Variants in RPTOR observed in about 807,000 individuals in gnomAD.
RPTOR encodes the protein regulatory associated protein of MTOR complex 1.
A neutral mutation model predicts 169.9 loss-of-function variants in RPTOR; 21 were observed. The ratio of observed to expected loss-of-function variants is 0.12; its 90% CI spans 0.09 to 0.18. The LOEUF is 0.18. Among genes scored for constraint, RPTOR ranks in the 10% least tolerant of loss-of-function variants. The pLI is 1.00. For missense variants in RPTOR, 1,133 were observed against 1,855.9 expected (o/e 0.61, Z 7.16); for synonymous variants, 732 against 753.2 (o/e 0.97, Z 0.46).
chr17:80,636,952 G>T (rs997737840), intron 2 of RPTOR, among the ~76,000 whole-genome samples: 6 of 152,232 alleles, frequency 3.9e-5, no homozygotes, highest in Admixed American at 1.3e-4. Context: ...CAGGGTTGAA[G>T]GTCTCCAGCA....
intron 5 of RPTOR, among the ~76,000 whole-genome samples, chr17:80,738,020 T>TG (rs936861594): frequency 1.6e-4 from 21 of 129,668 alleles, no homozygotes; most frequent in Non-Finnish European, 2.9e-4. Context: ...GTTAAGAGGG[T>TG]GGGGGGGCAG....
intron 1 of RPTOR, among the ~76,000 whole-genome samples, chr17:80,583,512 C>G (rs546562809): frequency 3.9e-5 from 6 of 152,172 alleles, no homozygotes; most frequent in Admixed American, 2.6e-4. Flanking sequence ...CTTTCTGAGG[C>G]CTGTCCCACG....
chr17:80,657,064 T>TTCAC (rs2065685406), intron 3 of RPTOR, among the ~76,000 whole-genome samples: 1 of 152,252 alleles, frequency 6.6e-6, no homozygotes, highest in Non-Finnish European at 1.5e-5. Flanking sequence ...TCTCTTTGTT[T>TTCAC]TCACAGCCCT....
chr17:80,744,331 C>CTACTAGCACAGCCCTGGT lies in RPTOR; in HGVS notation c.655-9662_655-9661insTTACTAGCACAGCCCTGG, dbSNP rs2066536193. ...GCCCTGGTTACTAGCACAGCCCTGG[C>CTACTAGCACAGCCCTGGT]TACTAGCACAGCCCTGGCTACTAGC... On this transcript the variant is annotated intron_variant, in intron 5 of 33. Coordinates refer to ENST00000306801, the MANE Select transcript of RPTOR (RefSeq NM_020761.3). Among the ~76,000 whole-genome samples the CTACTAGCACAGCCCTGGT allele has an allele frequency of 2.5e-4, 2 of 8,144 alleles. 1 individual carries two copies. Among genetic ancestry groups the CTACTAGCACAGCCCTGGT allele is most frequent in the African/African-American group, 5.6e-4 (2 of 3,600 alleles). 5.3% of individuals were successfully genotyped at this position (8,144 alleles called of 152,430 possible).
At chr17:80,858,426 C>T (rs574935914) in intron 13 of RPTOR, among the ~76,000 whole-genome samples, 4 of 152,384 alleles carry the variant, frequency 2.6e-5, no homozygotes, top group South Asian at 2.1e-4. Flanking sequence ...TCCTCTCTGA[C>T]GGGCATCAGC....
At chr17:80,698,357 C>T (rs1248937030) in intron 3 of RPTOR, among the ~76,000 whole-genome samples, 1 of 151,568 alleles carries the variant, frequency 6.6e-6, no homozygotes, top group Non-Finnish European at 1.5e-5. Context: ...ACAGCAACCA[C>T]GTGGAGGATA....
rs543626894 is a variant in RPTOR at position 80,907,757 on chromosome 17, G to C, written c.2402-1054G>C. Among the ~76,000 whole-genome samples, 269 of 152,238 alleles carry C rather than the reference G, an allele frequency of 1.8e-3. 1 individual carries two copies. The highest frequency in any genetic ancestry group is 6.3e-3 in the African/African-American group (262 of 41,548). ...GTCCCCATCACCTCCGTGTTTTATTGTTCAATGTCTTAGATCTTGTTTGTG... is the reference window on the plus strand; with the variant it reads ...GTCCCCATCACCTCCGTGTTTTATTCTTCAATGTCTTAGATCTTGTTTGTG... On this transcript the variant is annotated intron_variant, in intron 20 of 33. Transcript: ENST00000306801.
intron 21 of RPTOR, among the ~76,000 whole-genome samples, chr17:80,911,734 A>C (rs568390186): frequency 1.3e-5 from 2 of 152,320 alleles, no homozygotes; most frequent in African/African-American, 4.8e-5. Flanking sequence ...GCAGTGAGCT[A>C]TGATTGTGCC....
intron 21 of RPTOR, among the ~76,000 whole-genome samples, chr17:80,912,803 T>G (rs2068628680): frequency 6.6e-6 from 1 of 152,208 alleles, no homozygotes; most frequent in Non-Finnish European, 1.5e-5. Flanking sequence ...GCTATCCGAT[T>G]GAGACCCAGA....
At chr17:80,923,877 A>G in intron 23 of RPTOR, 1 of 581,974 alleles carries the variant, frequency 1.7e-6, no homozygotes. Flanking sequence ...TGCACTCCTT[A>G]GGAGCACTGC....
chr17:80,775,191 C>G lies in RPTOR; in HGVS notation c.831-16259C>G, dbSNP rs1475774097. Among the ~76,000 whole-genome samples the G allele has an allele frequency of 3.9e-5, 6 of 152,266 alleles. No homozygotes were observed. The East Asian group carries it at 1.2e-3, about 29-fold the overall frequency. Reference sequence around the variant, plus strand: ...CTTTTCTGCAGGGCTTTTACTCCCACTTCCTTCTTGTTTTCAGCCATTTTC... The same window carrying G: ...CTTTTCTGCAGGGCTTTTACTCCCAGTTCCTTCTTGTTTTCAGCCATTTTC... On this transcript the variant is annotated intron_variant, in intron 6 of 33. Transcript: ENST00000306801.
At chr17:80,712,633 G>T (rs1478459770) in intron 4 of RPTOR, among the ~76,000 whole-genome samples, 1 of 152,204 alleles carries the variant, frequency 6.6e-6, no homozygotes. Flanking sequence ...TTATTAACGT[G>T]TGCAAATTTT....
At chr17:80,564,284 A>C (rs952976545) in intron 1 of RPTOR, among the ~76,000 whole-genome samples, 1 of 151,918 alleles carries the variant, frequency 6.6e-6, no homozygotes, top group Non-Finnish European at 1.5e-5. Flanking sequence ...GGATGGTCTC[A>C]ATCTCCTGAC....
At chr17:80,709,169 G>A (rs571412548) in intron 4 of RPTOR, 8 of 752,474 alleles carry the variant, frequency 1.1e-5, no homozygotes, top group South Asian at 1.2e-4. Context: ...CTCCCCGTGT[G>A]TATCTGGATA....
chr17:80,694,298 C>T (rs2066017604), intron 3 of RPTOR, among the ~76,000 whole-genome samples: 1 of 152,226 alleles, frequency 6.6e-6, no homozygotes, highest in Non-Finnish European at 1.5e-5. Flanking sequence ...GGCAGGCATG[C>T]CCGGGCATGG....
At chr17:80,812,449 C>T (rs937828162) in intron 7 of RPTOR, among the ~76,000 whole-genome samples, 2 of 152,058 alleles carry the variant, frequency 1.3e-5, no homozygotes, top group African/African-American at 4.8e-5. Flanking sequence ...TTTCCTCCTA[C>T]GCGCCTTTTA....
At chr17:80,826,573 G>A (rs182865295) in intron 9 of RPTOR, among the ~76,000 whole-genome samples, 1 of 152,374 alleles carries the variant, frequency 6.6e-6, no homozygotes, top group Non-Finnish European at 1.5e-5. Flanking sequence ...AATCACAGCG[G>A]CGATGCCCTT....
At chr17:80,849,583 G>A (rs1001620453) in intron 11 of RPTOR, among the ~76,000 whole-genome samples, 3 of 152,134 alleles carry the variant, frequency 2.0e-5, no homozygotes, top group African/African-American at 4.8e-5. Context: ...GCAGTGGCGC[G>A]GTCTCAGCTC....
chr17:80,849,924 A>G (rs1049122082), intron 11 of RPTOR, among the ~76,000 whole-genome samples: 5 of 152,208 alleles, frequency 3.3e-5, no homozygotes, highest in African/African-American at 4.8e-5. Context: ...TGTGCCCCCA[A>G]CAGGTGGCTC....
Sources: allele counts gnomAD v4.1 joint callset (sites outside exome capture counted in the v4.1 genomes callset), GRCh38; gene constraint gnomAD v4.1.1; transcripts MANE v1.5; gene names NCBI Gene and HGNC (gene_info 2026-07-23, HGNC 2026-07-21).